The following ACCSL variants were observed in gnomAD, a reference collection of about 807,000 sequenced individuals.
ACCSL encodes the protein 1-aminocyclopropane-1-carboxylate synthase homolog (inactive) like.
A neutral mutation model predicts 61.7 loss-of-function variants in ACCSL; 55 were observed. That is an observed-to-expected ratio of 0.89 (90% CI 0.72 to 1.12). ACCSL has a LOEUF of 1.12. Among genes scored for constraint, ACCSL ranks in the 50% most tolerant of loss-of-function variants. ACCSL has a pLI of 0.00. For synonymous variants in ACCSL, 258 were observed against 264.3 expected (o/e 0.98, Z 0.23); for missense variants, 632 against 698.0 (o/e 0.91, Z 1.07).
intron 11 of ACCSL, 151 bp downstream of exon 11, chr11:44,056,477 G>GAGGGCAAGAT: frequency 8.9e-7 from 1 of 1,127,346 alleles, no homozygotes; most frequent in Non-Finnish European, 1.2e-6. Flanking sequence ...AGGTTTGAAG[G>GAGGGCAAGAT]AGGGCAAGAT....
chr11:44,021,478 T>A, the ACCSL span, among the ~76,000 whole-genome samples: 1 of 152,238 alleles, frequency 6.6e-6, no homozygotes, highest in Admixed American at 6.5e-5. Flanking sequence ...GTTCTTTTTC[T>A]TGCTGATTTG....
At chr11:43,935,056 G>A in the ACCSL span, among the ~76,000 whole-genome samples, 12 of 152,174 alleles carry the variant, frequency 7.9e-5, no homozygotes, top group East Asian at 3.9e-4. Context: ...CTGCAGCCCC[G>A]GCACAGGCTG....
chr11:43,942,078 G>A, the ACCSL span, among the ~76,000 whole-genome samples: 21 of 151,444 alleles, frequency 1.4e-4, no homozygotes, highest in Middle Eastern at 3.4e-3. Flanking sequence ...GTGTGTGTGC[G>A]CGCGCGCGCC....
At chr11:44,013,681 CTG>C in the ACCSL span, among the ~76,000 whole-genome samples, 1 of 152,140 alleles carries the variant, frequency 6.6e-6, no homozygotes, top group African/African-American at 2.4e-5. Flanking sequence ...GGTTTTTGAG[CTG>C]TTTCATTTTA....
intron 1 of ACCSL, among the ~76,000 whole-genome samples, chr11:44,049,094 T>C (rs1038297934): frequency 2.0e-5 from 3 of 151,582 alleles, no homozygotes; most frequent in Admixed American, 6.6e-5. Flanking sequence ...TGGCAGGAGG[T>C]GTGAACAGAG....
chr11:43,944,924 C>G, the ACCSL span: 2 of 153,246 alleles, frequency 1.3e-5, no homozygotes, highest in South Asian at 2.1e-4. Context: ...TGCGGCGTCT[C>G]TGTGCTCGGG....
upstream of ACCSL, among the ~76,000 whole-genome samples, chr11:44,045,441 A>C (rs185060047): frequency 6.6e-6 from 1 of 152,172 alleles, no homozygotes; most frequent in Non-Finnish European, 1.5e-5. Flanking sequence ...TTCTGTCTCA[A>C]AAACAAACAA....
At chr11:43,934,029 AG>A in the ACCSL span, among the ~76,000 whole-genome samples, 1 of 151,674 alleles carries the variant, frequency 6.6e-6, no homozygotes, top group South Asian at 2.1e-4. Flanking sequence ...TGGACCGATG[AG>A]GGGGCTGTCA....
the ACCSL span, chr11:43,942,138 G>T: frequency 6.5e-6 from 1 of 153,948 alleles, no homozygotes; most frequent in Non-Finnish European, 1.4e-5. Context: ...CCCTTCTTCC[G>T]AGCTCAGCTC....
At chr11:43,946,678 C>T in the ACCSL span, among the ~76,000 whole-genome samples, 3 of 152,252 alleles carry the variant, frequency 2.0e-5, no homozygotes, top group South Asian at 6.2e-4. Context: ...TGAATAGATA[C>T]TCCATATTTA....
chr11:43,960,281 G>A, the ACCSL span, among the ~76,000 whole-genome samples: 1 of 152,200 alleles, frequency 6.6e-6, no homozygotes, highest in Non-Finnish European at 1.5e-5. Flanking sequence ...TGAGTCCACT[G>A]AACTTGTTTT....
the ACCSL span, among the ~76,000 whole-genome samples, chr11:43,963,384 A>C: frequency 6.6e-6 from 1 of 152,204 alleles, no homozygotes; most frequent in African/African-American, 2.4e-5. Flanking sequence ...TGTGAGTGCA[A>C]GTAATATTTG....
At chr11:44,042,637 G>T in the ACCSL span, among the ~76,000 whole-genome samples, 682 of 5,476 alleles carry the variant, frequency 0.12, 4 homozygotes, top group African/African-American at 0.35. Context: ...TTTTTTTTTT[G>T]TTTGTTTTGT....
At chr11:44,030,124 C>G in the ACCSL span, among the ~76,000 whole-genome samples, 2 of 110,692 alleles carry the variant, frequency 1.8e-5, no homozygotes, top group African/African-American at 7.1e-5. Flanking sequence ...TGCTTAGTGA[C>G]AGTGGTGACC....
At chr11:44,031,812 G>A in the ACCSL span, among the ~76,000 whole-genome samples, 1 of 152,112 alleles carries the variant, frequency 6.6e-6, no homozygotes. Flanking sequence ...CAGCCCTGGA[G>A]AAGACACAGC....
chr11:44,005,731 C>G, the ACCSL span, among the ~76,000 whole-genome samples: 1 of 152,160 alleles, frequency 6.6e-6, no homozygotes, highest in Non-Finnish European at 1.5e-5. Context: ...CCTCTACCCC[C>G]AGGTAAAGCT....
the ACCSL span, chr11:43,925,479 T>G: frequency 1.5e-5 from 7 of 455,766 alleles, no homozygotes; most frequent in African/African-American, 8.0e-5. Context: ...TGAGGTAGCG[T>G]CGTCCTCCTG....
chr11:44,022,632 C>T, the ACCSL span, among the ~76,000 whole-genome samples: 2 of 152,120 alleles, frequency 1.3e-5, no homozygotes, highest in African/African-American at 4.8e-5. Context: ...ATTGCTCTGG[C>T]TTACATTGAT....
the ACCSL span, among the ~76,000 whole-genome samples, chr11:43,993,387 G>C: frequency 3.9e-5 from 6 of 152,084 alleles, no homozygotes; most frequent in Admixed American, 3.9e-4. Context: ...TTCAGACTCT[G>C]GCAGGCTGTG....
Sources: gnomAD v4.1 joint callset for allele counts (sites outside exome capture counted in the v4.1 genomes callset) on GRCh38, gnomAD v4.1.1 for gene constraint, MANE v1.5 for transcripts, NCBI Gene and HGNC (gene_info 2026-07-23, HGNC 2026-07-21) for gene names.